SMURF2: variants seen among roughly 807,000 people sequenced by gnomAD.
SMURF2 encodes the protein E3 ubiquitin-protein ligase SMURF2.
Under a neutral mutation model 109.6 loss-of-function variants are expected in SMURF2, and 48 were observed. The ratio of observed to expected loss-of-function variants is 0.44; its 90% confidence interval spans 0.35 to 0.56. The LOEUF is 0.56. SMURF2 is among the 20% of genes least tolerant of loss of function. SMURF2 has a pLI of 0.01. For missense variants in SMURF2, 575 were observed against 909.0 expected (o/e 0.63, Z 4.72); for synonymous variants, 288 against 317.1 (o/e 0.91, Z 0.97).
At chr17:64,560,723 G>C (rs533783432) in intron 12 of SMURF2, 1 of 151,750 alleles carries the variant, frequency 6.6e-6, no homozygotes, top group African/African-American at 2.4e-5. Flanking sequence ...CACTTCGGAA[G>C]GCTGGGGCAG....
intron 18 of SMURF2, among the ~76,000 whole-genome samples, 153 bp downstream of exon 18, chr17:64,546,110 G>A (rs139642728): frequency 1.8e-4 from 27 of 152,142 alleles, no homozygotes; most frequent in African/African-American, 4.6e-4. Context: ...ACCAATTTCC[G>A]AATAATCTTA....
chr17:64,654,121 A>G lies in SMURF2; in HGVS notation c.52+7708T>C, dbSNP rs1170173799. On this transcript the variant is annotated intron_variant, in intron 1 of 18. Coordinates refer to ENST00000262435, the MANE Select transcript of SMURF2 (RefSeq NM_022739.4). ...GGTAAGAGAAAATGTTTTGGGAAGA[A>G]ACTTTTTGGGAAGAAATGGGAAGAA... is the stretch of plus-strand genomic sequence containing the variant. Among the ~76,000 whole-genome samples the G allele has an allele frequency of 2.0e-5, 3 of 152,236 alleles. No individual in the cohort carries two copies. In the East Asian group the frequency reaches 5.8e-4, roughly 29 times the overall value.
At chr17:64,649,941 C>T (rs2144732392) in intron 1 of SMURF2, among the ~76,000 whole-genome samples, 1 of 151,532 alleles carries the variant, frequency 6.6e-6, no homozygotes, top group Admixed American at 6.5e-5. Flanking sequence ...TGATACAAGA[C>T]ATTTATGCCT....
At chr17:64,659,788 G>A (rs1970750883) in intron 1 of SMURF2, among the ~76,000 whole-genome samples, 1 of 151,904 alleles carries the variant, frequency 6.6e-6, no homozygotes, top group Admixed American at 6.6e-5. Context: ...GAACAAAAAT[G>A]GAAGAAAAAA....
rs1970120982 is a variant in SMURF2, at chr17:64,616,362, C to T, written c.53-9722G>A. On this transcript the variant is annotated intron_variant, in intron 1 of 18. Transcript: ENST00000262435. Reference sequence around the variant, plus strand: ...TTACCAGTGATTTTGCTTTTAAGAGCTAGAGTTGGCTGGGCACGGTGGCTC... The same window carrying T: ...TTACCAGTGATTTTGCTTTTAAGAGTTAGAGTTGGCTGGGCACGGTGGCTC... Among the ~76,000 whole-genome samples the T allele has an allele frequency of 2.6e-5, 4 of 151,954 alleles. No individual in the cohort carries two copies. The South Asian group carries it at 8.3e-4, about 32-fold the overall frequency.
At chr17:64,625,250 G>A (rs1324107341) in intron 1 of SMURF2, among the ~76,000 whole-genome samples, 1 of 152,128 alleles carries the variant, frequency 6.6e-6, no homozygotes, top group African/African-American at 2.4e-5. Flanking sequence ...TGAATGGGTC[G>A]CTTTCCTGTT....
At position 64,552,936 on chromosome 17, in the gene SMURF2, T is replaced by C. The variant is rs1969066174; in HGVS notation, c.1749-1232A>G. On this transcript the variant is annotated intron_variant, in intron 15 of 18. Coordinates refer to ENST00000262435, the MANE Select transcript of SMURF2 (RefSeq NM_022739.4). ...CTAGGCTGGTCTTGAGCTCCTGACC[T>C]CAGGTGATCCACCCACCTTGGCCTC... Among the ~76,000 whole-genome samples the C allele has an allele frequency of 2.6e-5, 4 of 152,152 alleles. No individual in the cohort carries two copies. The South Asian group carries it at 8.3e-4, about 32-fold the overall frequency.
At chr17:64,646,264 C>T (rs2144727809) in intron 1 of SMURF2, among the ~76,000 whole-genome samples, 1 of 152,106 alleles carries the variant, frequency 6.6e-6, no homozygotes, top group African/African-American at 2.4e-5. Flanking sequence ...CAGAGTTTCA[C>T]CACATTGGCC....
intron 2 of SMURF2, among the ~76,000 whole-genome samples, chr17:64,604,504 G>A (rs535050725): frequency 6.7e-4 from 102 of 152,224 alleles, no homozygotes; most frequent in African/African-American, 2.4e-3. Context: ...GAAAAATGAG[G>A]TAAGAATATC....
chr17:64,656,461 G>A (rs1970706769), intron 1 of SMURF2, among the ~76,000 whole-genome samples: 1 of 152,146 alleles, frequency 6.6e-6, no homozygotes, highest in African/African-American at 2.4e-5. Context: ...CACATGCCAT[G>A]AAATTAGCAA....
chr17:64,584,030 G>A lies in SMURF2; in HGVS notation c.486-486C>T, dbSNP rs187172998. 3.6e-4 allele frequency among the ~76,000 whole-genome samples: 54 copies of A among 152,064 alleles called. No homozygotes were observed. In the East Asian group the frequency reaches 5.6e-3, roughly 16 times the overall value. ...AAAAATGAAGACTATTGGCTGGCAC[G>A]GTGTCTCACGTCTGTAATTCCAGCA... On this transcript the variant is annotated intron_variant, in intron 6 of 18. Coordinates refer to ENST00000262435, the MANE Select transcript of SMURF2 (RefSeq NM_022739.4).
intron 12 of SMURF2, among the ~76,000 whole-genome samples, chr17:64,559,988 G>A (rs566480575): frequency 6.6e-6 from 1 of 151,440 alleles, no homozygotes; most frequent in South Asian, 2.1e-4. Flanking sequence ...TCTTGACCTC[G>A]TGATCTGCCC....
chr17:64,563,404 T>C (rs1555684714), intron 10 of SMURF2, among the ~76,000 whole-genome samples: 1 of 152,178 alleles, frequency 6.6e-6, no homozygotes, highest in African/African-American at 2.4e-5. Flanking sequence ...ATATTATACC[T>C]AAAACATATG....
chr17:64,548,220 C>A (rs1968987190), intron 16 of SMURF2, among the ~76,000 whole-genome samples: 1 of 152,112 alleles, frequency 6.6e-6, no homozygotes, highest in South Asian at 2.1e-4. Context: ...GGACCTGCAT[C>A]ATCTACTAGT....
chr17:64,552,128 T>C (rs1969053989), intron 15 of SMURF2, among the ~76,000 whole-genome samples: 1 of 152,182 alleles, frequency 6.6e-6, no homozygotes, highest in Non-Finnish European at 1.5e-5. Context: ...TTTGTTTCTA[T>C]TTGAGGGAGG....
chr17:64,637,923 CAAAAA>C (rs59701513), intron 1 of SMURF2, among the ~76,000 whole-genome samples: 22 of 72,554 alleles, frequency 3.0e-4, no homozygotes, highest in African/African-American at 8.6e-4. Context: ...GCGCCCTAGT[CAAAAA>C]AAAAAAAAAA....
intron 1 of SMURF2, among the ~76,000 whole-genome samples, chr17:64,632,281 G>A (rs1970362779): frequency 6.6e-6 from 1 of 152,050 alleles, no homozygotes; most frequent in Non-Finnish European, 1.5e-5. Flanking sequence ...GTGGGAGGAA[G>A]CAAAGCTAAA....
rs572666463 is a variant in SMURF2, at chr17:64,643,281, C to T, written c.52+18548G>A. 9.2e-5 allele frequency among the ~76,000 whole-genome samples: 14 copies of T among 152,150 alleles called. No homozygotes were observed. The South Asian group carries it at 2.9e-3, about 32-fold the overall frequency. Reference sequence around the variant, plus strand: ...CAAGCCACCCACCTGCGCTGGCCTCCCAAAGTGCTGAGATTACAGGCATGA... The same window carrying T: ...CAAGCCACCCACCTGCGCTGGCCTCTCAAAGTGCTGAGATTACAGGCATGA... On this transcript the variant is annotated intron_variant, in intron 1 of 18. Transcript: ENST00000262435.
rs931487884 is a variant in SMURF2, at chr17:64,542,571, A to G, written c.*3277T>C. On this transcript the variant is annotated 3_prime_UTR_variant, in exon 19 of 19. Transcript: ENST00000262435. The stretch of plus-strand genomic sequence containing the variant: ...AGAAATAAAACAACTCAGCATTTGG[A>G]ACAATCATCCTAACATGTTAAATAC... 3 of 152,122 alleles carry G rather than the reference A, an allele frequency of 2.0e-5. No individual in the cohort carries two copies. Among genetic ancestry groups the G allele is most frequent in the African/African-American group, 7.2e-5 (3 of 41,422 alleles). 9.4% of individuals were successfully genotyped at this position (152,122 alleles called of 1,614,324 possible). A position where few individuals can be genotyped will look rare whatever the true frequency, so the allele number is the denominator to read the frequency against.
Sources: allele counts gnomAD v4.1 joint callset (sites outside exome capture counted in the v4.1 genomes callset), GRCh38; gene constraint gnomAD v4.1.1; transcripts MANE v1.5; gene names NCBI Gene and HGNC (gene_info 2026-07-23, HGNC 2026-07-21).